KCTD1: variants seen among roughly 807,000 people sequenced by gnomAD.
The protein encoded by KCTD1 is BTB/POZ domain-containing protein KCTD1.
Under a neutral mutation model 66.0 loss-of-function variants are expected in KCTD1, and 24 were observed. The observed-to-expected ratio is 0.36, with a 90% CI of 0.26 to 0.51. The LOEUF (loss-of-function observed/expected upper bound fraction) is 0.51, where lower values mean the gene tolerates loss of function less well. Ranked by LOEUF, KCTD1 falls within the 20% of genes least tolerant of loss-of-function variation. The probability of loss-of-function intolerance (pLI) is 0.95; values close to 1 mark genes in which losing one functional copy is unlikely to be tolerated. For missense variants in KCTD1, 943 were observed against 1,205.2 expected, an observed-to-expected ratio of 0.78 and a Z score of 3.22; for synonymous variants, 511 against 517.2, an observed-to-expected ratio of 0.99 and a Z score of 0.16.
At chr18:26,551,873 C>A (rs139781301), upstream of KCTD1, among the ~76,000 whole-genome samples, 189 of 152,352 alleles carry the variant, frequency 1.2e-3, 2 homozygotes, top group African/African-American at 4.4e-3. Context: ...AATTCCTCTA[C>A]TTGACCTCTC....
chr18:26,614,357 A>T (rs1232389563), intron 1 of KCTD1, among the ~76,000 whole-genome samples: 2 of 152,244 alleles, frequency 1.3e-5, no homozygotes, highest in African/African-American at 4.8e-5. Context: ...CTTCTAATAG[A>T]AAGACAAATA....
intron 4 of KCTD1, chr18:26,457,028 A>ATTAT (rs989144580): frequency 6.6e-6 from 1 of 151,782 alleles, no homozygotes; most frequent in African/African-American, 2.4e-5. Flanking sequence ...TTTAAAAAGT[A>ATTAT]TTATTTTTTA....
intron 1 of KCTD1, among the ~76,000 whole-genome samples, chr18:26,620,327 G>T (rs1987345829): frequency 1.7e-5 from 2 of 119,492 alleles, no homozygotes; most frequent in Middle Eastern, 5.9e-3. Flanking sequence ...GTGTGAGTTT[G>T]CATTTGCTGA....
upstream of KCTD1, among the ~76,000 whole-genome samples, chr18:26,641,769 C>G (rs746608957): frequency 6.6e-6 from 1 of 152,144 alleles, no homozygotes; most frequent in Admixed American, 6.5e-5. Flanking sequence ...TTTCAACCAG[C>G]CTTCTAGACA....
chr18:26,498,462 T>C (rs1008107038), intron 2 of KCTD1, among the ~76,000 whole-genome samples: 22 of 149,880 alleles, frequency 1.5e-4, no homozygotes, highest in Non-Finnish European at 2.8e-4. Flanking sequence ...CATGTAATTT[T>C]ATATTATCTA....
rs150156025 is a variant in KCTD1, at chr18:26,508,441, G to A, written c.1810-7191C>T. ...TGGGGGTACTGCCTTGAACAAATGA[G>A]CTGAAGTTTAAACTGAAAGTTTTAA... On this transcript the variant is annotated intron_variant, in intron 1 of 4. Coordinates refer to ENST00000580059, the MANE Select transcript of KCTD1 (RefSeq NM_001142730.3). Among the ~76,000 whole-genome samples the A allele has an allele frequency of 1.6e-3, 241 of 152,284 alleles. 1 individual carries two copies. Among genetic ancestry groups the A allele is most frequent in the Non-Finnish European group, 3.2e-3 (217 of 68,024 alleles).
intron 3 of KCTD1, among the ~76,000 whole-genome samples, chr18:26,460,435 G>A (rs1980358670): frequency 6.6e-6 from 1 of 152,206 alleles, no homozygotes; most frequent in South Asian, 2.1e-4. Flanking sequence ...GTCACCTTTG[G>A]TGGCCACAGG....
chr18:26,506,688 G>A (rs1034559626), intron 1 of KCTD1, among the ~76,000 whole-genome samples: 32 of 152,224 alleles, frequency 2.1e-4, no homozygotes, highest in African/African-American at 7.7e-4. Flanking sequence ...CTTGTGTCTG[G>A]AGAAGAGGAG....
intron 2 of KCTD1, among the ~76,000 whole-genome samples, chr18:26,496,129 C>A (rs1055327121): frequency 8.6e-5 from 13 of 152,036 alleles, no homozygotes; most frequent in African/African-American, 3.1e-4. Flanking sequence ...TCTTTTATTA[C>A]CAATGATGTT....
At chr18:26,529,425 G>T (rs1342361453) in intron 1 of KCTD1, among the ~76,000 whole-genome samples, 1 of 152,144 alleles carries the variant, frequency 6.6e-6, no homozygotes, top group East Asian at 1.9e-4. Context: ...TTCTTTTCTA[G>T]AATATTCTGG....
chr18:26,620,832 G>GC (rs1394141449), intron 1 of KCTD1, among the ~76,000 whole-genome samples: 1 of 82,010 alleles, frequency 1.2e-5, no homozygotes, highest in South Asian at 5.6e-4. Context: ...CACTTGAAAA[G>GC]CTTTTTTTTT....
chr18:26,501,485 A>G (rs563000802), intron 1 of KCTD1, among the ~76,000 whole-genome samples: 5 of 152,382 alleles, frequency 3.3e-5, no homozygotes, highest in Admixed American at 3.3e-4. Flanking sequence ...GTTCACTTCA[A>G]ATAACTCTGA....
chr18:26,511,149 T>G (rs1983309016), intron 1 of KCTD1, among the ~76,000 whole-genome samples: 1 of 152,200 alleles, frequency 6.6e-6, no homozygotes, highest in Admixed American at 6.5e-5. Flanking sequence ...TAATAGGGAT[T>G]TTTGACATTT....
chr18:26,526,279 C>T (rs1285415788), intron 1 of KCTD1, among the ~76,000 whole-genome samples: 2 of 152,158 alleles, frequency 1.3e-5, no homozygotes, highest in Non-Finnish European at 2.9e-5. Context: ...GGAAACCATG[C>T]TGCCCATGCA....
rs1348226556 is a variant in KCTD1, at chr18:26,476,166, C to T, written c.2133+349G>A. ...AAATTTTACTGTTCATGTTTGCTTT[C>T]GATTTCTAGGGGCGGGGACGGGGAA... On this transcript the variant is annotated intron_variant, in intron 3 of 4. Coordinates refer to ENST00000580059, the MANE Select transcript of KCTD1 (RefSeq NM_001142730.3). This position sits in a 1 kb window ranked among gnomAD's most constrained non-coding sequence, Gnocchi z 4.9. 6.6e-6 allele frequency among the ~76,000 whole-genome samples: 1 copy of T among 152,152 alleles called. No individual in the cohort carries two copies. Among genetic ancestry groups the T allele is most frequent in the African/African-American group, 2.4e-5 (1 of 41,420 alleles).
chr18:26,576,952 T>G (rs1320842151), intron 1 of KCTD1, among the ~76,000 whole-genome samples: 1 of 152,234 alleles, frequency 6.6e-6, no homozygotes, highest in Non-Finnish European at 1.5e-5. Flanking sequence ...GTAAACACTT[T>G]GTAACCATGC....
In KCTD1 at chr18:26,455,180, A is replaced by T. The variant is rs535499025; in HGVS notation, c.*563T>A. 6.5e-6 allele frequency: 1 copy of T among 152,768 alleles called. No individual in the cohort carries two copies. Among genetic ancestry groups the T allele is most frequent in the East Asian group, 1.9e-4 (1 of 5,200 alleles). The allele number at this position is 152,768 out of a possible 1,614,324, so 9.5% of individuals were successfully genotyped here. A position where few individuals can be genotyped will look rare whatever the true frequency, so the allele number is the denominator to read the frequency against. On this transcript the variant is annotated 3_prime_UTR_variant, in exon 5 of 5. Transcript: ENST00000580059. ...CTGTACAAACTACATTTAAAATTTC[A>T]TGTCTAACATCTTTGCAATGTGCTC...
At chr18:26,510,343 A>G (rs1359172833) in intron 1 of KCTD1, among the ~76,000 whole-genome samples, 7 of 152,228 alleles carry the variant, frequency 4.6e-5, no homozygotes, top group Admixed American at 3.9e-4. Context: ...TTAAAATCGT[A>G]ATTTCACAGA....
chr18:26,589,611 A>G (rs958253655), intron 1 of KCTD1, among the ~76,000 whole-genome samples: 5 of 152,328 alleles, frequency 3.3e-5, no homozygotes, highest in Non-Finnish European at 7.3e-5. Context: ...GGTAGTTACT[A>G]TCAATGGCCT....
Sources: gnomAD v4.1 joint callset for allele counts (sites outside exome capture counted in the v4.1 genomes callset) on GRCh38, gnomAD v4.1.1 for gene constraint, Gnocchi (gnomAD v3.1) non-coding constraint, MANE v1.5 for transcripts, NCBI Gene and HGNC (gene_info 2026-07-23, HGNC 2026-07-21) for gene names.